KLC3: variants seen among roughly 807,000 people sequenced by gnomAD.
The protein encoded by KLC3 is kinesin light chain 3.
A neutral mutation model predicts 62.9 loss-of-function variants in KLC3; 72 were observed. That is an observed-to-expected ratio of 1.15 (90% CI 0.95 to 1.39). The LOEUF is 1.39. KLC3 is among the 40% of genes most tolerant of loss of function. KLC3 has a pLI of 0.00. For missense variants in KLC3, 848 were observed against 691.6 expected (o/e 1.23, Z -2.54); for synonymous variants, 377 against 300.5 (o/e 1.25, Z -2.63).
rs1555774259 is a variant in KLC3 at position 45,349,692 on chromosome 19, A to AGGGTG, written c.1143+94_1143+98dup. ...GGTTGGATACAGGGTGAGCAACGTG[A>AGGGTG]GGGTGGGGGGGGGCCCCCCAGGCCG... On this transcript the variant is annotated intron_variant, in intron 8 of 12. Transcript: ENST00000391946. The AGGGTG allele has an allele frequency of 2.8e-3, 1,861 of 674,004 alleles. 4 individuals carry two copies. The highest frequency in any genetic ancestry group is 5.3e-3 in the South Asian group (169 of 32,162). 41.8% of individuals were successfully genotyped at this position (674,004 alleles called of 1,614,324 possible).
rs1223638276 is a variant in KLC3, at chr19:45,349,526, A to G, written c.1067A>G (p.Tyr356Cys). Residue 356 changes from tyrosine to cysteine, a missense_variant, in exon 8 of 13, where the codon TAT (tyrosine) becomes TGT (cysteine). Coordinates refer to ENST00000391946, the MANE Select transcript of KLC3 (RefSeq NM_177417.3). The stretch of plus-strand genomic sequence containing the variant: ...AAGTTTGAGGACGTGGAGCGGCACT[A>G]TGCCCGGGCCCTGAGCATCTATGAG... ...QGKFEDVERH[Y>C]ARALSIYEAL... 5.0e-6 allele frequency: 8 copies of G among 1,613,378 alleles called. No individual in the cohort carries two copies. Among genetic ancestry groups the G allele is most frequent in the South Asian group, 1.1e-5 (1 of 90,900 alleles).
intron 1 of KLC3, among the ~76,000 whole-genome samples, chr19:45,343,688 G>GT (rs1971433856): frequency 1.3e-5 from 2 of 152,222 alleles, no homozygotes; most frequent in Non-Finnish European, 2.9e-5. Context: ...TATACAGATT[G>GT]TTTTTGAAAG....
rs375837304 is a variant in KLC3 at position 45,350,965 on chromosome 19, C to T, written c.1391C>T (p.Ala464Val). Residue 464 changes from alanine to valine, a missense_variant, in exon 12 of 13, where the codon GCC becomes GTC. By Grantham distance (64) the Ala-to-Val change is moderately conservative. Transcript: ENST00000391946. ...AAAGAAGMKR[A>V]MSLNTLNVDA... is the part of the protein sequence containing the mutation. Reference sequence around the variant, plus strand: ...TGCCCTCTTTGCAGAATGAAGAGAGCCATGTCACTCAACACACTGAACGTG... The same window carrying T: ...TGCCCTCTTTGCAGAATGAAGAGAGTCATGTCACTCAACACACTGAACGTG... 6.2e-7 allele frequency: 1 copy of T among 1,614,096 alleles called. No individual in the cohort carries two copies. Among genetic ancestry groups the T allele is most frequent in the African/African-American group, 1.3e-5 (1 of 75,006 alleles).
chr19:45,349,716 C>T lies in KLC3; in HGVS notation c.1143+114C>T, dbSNP rs561545314. 754 of 1,071,154 alleles carry T rather than the reference C, an allele frequency of 7.0e-4. 13 individuals carry two copies. In the Admixed American group the frequency reaches 9.3e-3, roughly 13 times the overall value. The allele number at this position is 1,071,154 out of a possible 1,614,324, so 66.4% of individuals were successfully genotyped here. A position where few individuals can be genotyped will look rare whatever the true frequency, so the allele number is the denominator to read the frequency against. ...GAGGGTGGGGGGGGGCCCCCCAGGCCGGGCCCTTGGAGCAAGTGTCAGACA... is the reference window on the plus strand; with the variant it reads ...GAGGGTGGGGGGGGGCCCCCCAGGCTGGGCCCTTGGAGCAAGTGTCAGACA... On this transcript the variant is annotated intron_variant, in intron 8 of 12. Coordinates refer to ENST00000391946, the MANE Select transcript of KLC3 (RefSeq NM_177417.3).
intron 1 of KLC3, chr19:45,345,159 A>G: frequency 2.5e-6 from 1 of 399,946 alleles, no homozygotes; most frequent in East Asian, 4.4e-5. Flanking sequence ...GCTCTGGGCC[A>G]GGGGATCCAA....
chr19:45,351,247 C>CTCACCTCCCCTCCAACCA, intron 12 of KLC3, 39 bp from the exon 13 acceptor site: 1 of 691,150 alleles, frequency 1.4e-6, no homozygotes, highest in South Asian at 2.8e-5. Context: ...ACACTTGCCC[C>CTCACCTCCCCTCCAACCA]TCACCTCCCC....
chr19:45,345,391 G>A (rs562270193), intron 1 of KLC3, 143 bp from the exon 2 acceptor site: 16 of 1,072,290 alleles, frequency 1.5e-5, no homozygotes, highest in African/African-American at 7.8e-5. Context: ...TGGAGGCAGA[G>A]GGCTGGCCAG....
chr19:45,345,757 C>G lies in KLC3; in HGVS notation c.216C>G (p.Ser72Arg). 1 of 1,554,068 alleles carries G rather than the reference C, an allele frequency of 6.4e-7. No individual in the cohort carries two copies. The highest frequency in any genetic ancestry group is 2.4e-5 in the East Asian group (1 of 41,388). ...EMLEEKQQVV[S>R]HSLEAIELGL... Reference sequence around the variant, plus strand: ...TGGAGGAAAAGCAGCAGGTGGTGAGCCACTCGCTGGAGGCCATCGAGCTGG... The same window carrying G: ...TGGAGGAAAAGCAGCAGGTGGTGAGGCACTCGCTGGAGGCCATCGAGCTGG... Residue 72 changes from serine to arginine, a missense_variant, in exon 2 of 13, where the codon AGC (serine) becomes AGG (arginine). Ser to Arg is a moderately radical substitution (Grantham distance 110). Transcript: ENST00000391946.
intron 5 of KLC3, 97 bp from the exon 6 acceptor site, chr19:45,348,549 C>T (rs148563304): frequency 1.6e-6 from 2 of 1,228,054 alleles, no homozygotes; most frequent in African/African-American, 1.5e-5. Flanking sequence ...TTGGTTCAGC[C>T]AGGTTCCCTG....
intron 3 of KLC3, 107 bp from the exon 4 acceptor site, chr19:45,347,340 C>CA (rs538695727): frequency 0.26 from 138,116 of 535,784 alleles, 925 homozygotes; most frequent in African/African-American, 0.32. Flanking sequence ...AACTCCGTCT[C>CA]AAAAAAAAAA....
intron 1 of KLC3, among the ~76,000 whole-genome samples, chr19:45,341,578 T>TGTGTGTGTGCGCGCGCGCGCGC: frequency 6.3e-4 from 88 of 139,884 alleles, no homozygotes; most frequent in East Asian, 2.5e-3. Flanking sequence ...TGTGTGTGTG[T>TGTGTGTGTGCGCGCGCGCGCGC]GCGCGCGCGC....
At chr19:45,343,369 T>C (rs1971428631) in intron 1 of KLC3, among the ~76,000 whole-genome samples, 1 of 152,082 alleles carries the variant, frequency 6.6e-6, no homozygotes, top group Non-Finnish European at 1.5e-5. Context: ...AGTTTTGCTC[T>C]TGTCACCCAG....
chr19:45,348,745 C>G lies in KLC3; in HGVS notation c.867+12C>G, dbSNP rs1476323386. On this transcript the variant is annotated intron_variant, in intron 6 of 12. Transcript: ENST00000391946. ...CTGAGCACCCCGCGGTGAGTGGGGC[C>G]CCAGGGAGACGAAGTGGGGTCAAAG... 6.3e-7 allele frequency: 1 copy of G among 1,575,050 alleles called. No individual in the cohort carries two copies. The highest frequency in any genetic ancestry group is 1.2e-5 in the South Asian group (1 of 85,960).
chr19:45,348,023 G>A lies in KLC3; in HGVS notation c.642G>A (p.Val214=). Residue 214 remains valine, a synonymous_variant, in exon 5 of 13, where the codon GTG becomes GTA. Coordinates refer to ENST00000391946, the MANE Select transcript of KLC3 (RefSeq NM_177417.3). The stretch of plus-strand genomic sequence containing the variant: ...GCCTTCGGACCCTGCATAACCTCGT[G>A]ATCCAGTACGCGGGGCAGGGCCGCT... ...PARLRTLHNL[V]IQYAGQGRYE... is the part of the protein sequence containing the mutation. 1.2e-6 allele frequency: 2 copies of A among 1,608,528 alleles called. No homozygotes were observed. Among genetic ancestry groups the A allele is most frequent in the African/African-American group, 1.3e-5 (1 of 74,974 alleles).
chr19:45,346,901 C>G, intron 3 of KLC3, 127 bp downstream of exon 3: 1 of 867,820 alleles, frequency 1.2e-6, no homozygotes, highest in Non-Finnish European at 1.7e-6. Context: ...CCAGACCCTC[C>G]TTAGAATGCC....
intron 1 of KLC3, among the ~76,000 whole-genome samples, chr19:45,343,461 A>C (rs567532913): frequency 2.0e-5 from 3 of 152,042 alleles, no homozygotes; most frequent in Non-Finnish European, 4.4e-5. Context: ...CAGCCTCATG[A>C]GTAGCTGGGG....
In KLC3 at chr19:45,350,733, G is replaced by C; in HGVS notation, c.1365G>C (p.Ala455=). The C allele has an allele frequency of 6.2e-7, 1 of 1,611,964 alleles. No individual in the cohort carries two copies. Among genetic ancestry groups the C allele is most frequent in the Non-Finnish European group, 8.5e-7 (1 of 1,179,310 alleles). Residue 455 remains alanine, a synonymous_variant, in exon 11 of 13, where the codon GCG becomes GCC. Coordinates refer to ENST00000391946, the MANE Select transcript of KLC3 (RefSeq NM_177417.3). ...KLVSRLRGEA[A]AGAAGMKRAM... ...TCTCCCGGCTCCGAGGCGAGGCGGC[G>C]GCAGGAGCAGCCGGGTGAGTGTTGA...
At chr19:45,349,696 T>TGGGGTGGGGGGGTGG in intron 8 of KLC3, 94 bp downstream of exon 8, 1 of 689,044 alleles carries the variant, frequency 1.5e-6, no homozygotes, top group Non-Finnish European at 2.1e-6. Flanking sequence ...AACGTGAGGG[T>TGGGGTGGGGGGGTGG]GGGGGGGGGC....
At chr19:45,350,214 G>C in intron 8 of KLC3, 127 bp from the exon 9 acceptor site, 1 of 684,590 alleles carries the variant, frequency 1.5e-6, no homozygotes, top group Non-Finnish European at 2.5e-6. Flanking sequence ...TTGAGGCTAG[G>C]AGTTCAAGAC....
Sources: allele counts gnomAD v4.1 joint callset (sites outside exome capture counted in the v4.1 genomes callset), GRCh38; gene constraint gnomAD v4.1.1; transcripts MANE v1.5; gene names NCBI Gene and HGNC (gene_info 2026-07-23, HGNC 2026-07-21).